RPS6KA5: variants seen among roughly 807,000 people sequenced by gnomAD.
The protein encoded by RPS6KA5 is ribosomal protein S6 kinase A5, also known as ribosomal protein S6 kinase alpha-5.
A neutral mutation model predicts 85.5 loss-of-function variants in RPS6KA5; 27 were observed. The observed-to-expected ratio is 0.32, with a 90% CI of 0.23 to 0.44. The LOEUF (loss-of-function observed/expected upper bound fraction) is 0.44. Among genes scored for constraint, RPS6KA5 ranks in the 20% least tolerant of loss-of-function variants. RPS6KA5 has a pLI of 1.00. For missense variants in RPS6KA5, 811 were observed against 980.9 expected (o/e 0.83, Z 2.31); for synonymous variants, 334 against 348.2 (o/e 0.96, Z 0.46).
Position 90,859,184 on chromosome 14 carries a change from A to G in RPS6KA5, c.*12890T>C, listed in dbSNP as rs376912942. ...CAAAACTGAAATGTACAAGCCCAACAAAGTCTAAAACCAACCTTCAATAGG... is the reference window on the plus strand; with the variant it reads ...CAAAACTGAAATGTACAAGCCCAACGAAGTCTAAAACCAACCTTCAATAGG... On this transcript the variant is annotated 3_prime_UTR_variant, in exon 17 of 17. Coordinates refer to ENST00000614987, the MANE Select transcript of RPS6KA5 (RefSeq NM_004755.4). The G allele has an allele frequency of 6.6e-6, 1 of 152,244 alleles. No individual in the cohort carries two copies. Among genetic ancestry groups the G allele is most frequent in the Admixed American group, 6.5e-5 (1 of 15,286 alleles). 9.4% of individuals were successfully genotyped at this position (152,244 alleles called of 1,614,324 possible).
chr14:91,000,284 A>G (rs907092327), intron 2 of RPS6KA5, among the ~76,000 whole-genome samples: 7 of 152,264 alleles, frequency 4.6e-5, no homozygotes, highest in Non-Finnish European at 7.4e-5. Flanking sequence ...GATCATTTTA[A>G]TCTATTATAT....
chr14:91,053,770 G>A (rs1200679430), intron 1 of RPS6KA5, among the ~76,000 whole-genome samples: 1 of 152,164 alleles, frequency 6.6e-6, no homozygotes, highest in Non-Finnish European at 1.5e-5. Flanking sequence ...TGGCAACACT[G>A]CCAAAGTTTA....
intron 3 of RPS6KA5, among the ~76,000 whole-genome samples, chr14:90,965,669 G>A (rs1424537942): frequency 6.6e-6 from 1 of 152,102 alleles, no homozygotes; most frequent in Non-Finnish European, 1.5e-5. Flanking sequence ...GCCAGACCCA[G>A]GTGACACATT....
chr14:90,929,332 C>T (rs886413144), intron 5 of RPS6KA5, among the ~76,000 whole-genome samples: 1 of 152,080 alleles, frequency 6.6e-6, no homozygotes, highest in Non-Finnish European at 1.5e-5. Context: ...GCCATTATTA[C>T]TTACAAATAA....
chr14:91,040,045 G>A (rs1056200032), intron 1 of RPS6KA5, among the ~76,000 whole-genome samples: 1 of 152,218 alleles, frequency 6.6e-6, no homozygotes, highest in South Asian at 2.1e-4. Context: ...GGGAGAATGT[G>A]AGAGAGAGGA....
At chr14:91,019,504 T>A (rs1443911214) in intron 1 of RPS6KA5, among the ~76,000 whole-genome samples, 1 of 152,148 alleles carries the variant, frequency 6.6e-6, no homozygotes, top group Non-Finnish European at 1.5e-5. Context: ...CTTTCCTGGG[T>A]CTCCACCCTG....
chr14:91,049,394 C>T (rs1477117919), intron 1 of RPS6KA5, among the ~76,000 whole-genome samples: 3 of 152,076 alleles, frequency 2.0e-5, no homozygotes, highest in Non-Finnish European at 4.4e-5. Context: ...GTGGGTGGAT[C>T]ACAAGGTCAG....
chr14:90,975,975 T>A (rs1240350879), intron 3 of RPS6KA5, among the ~76,000 whole-genome samples: 1 of 152,096 alleles, frequency 6.6e-6, no homozygotes, highest in Non-Finnish European at 1.5e-5. Flanking sequence ...CATAAAAAAA[T>A]GGGTTTTCTT....
intron 1 of RPS6KA5, among the ~76,000 whole-genome samples, chr14:91,046,286 T>C (rs933259313): frequency 6.6e-6 from 1 of 152,166 alleles, no homozygotes; most frequent in African/African-American, 2.4e-5. Context: ...TATGGGTGAA[T>C]AAAACTGGCT....
intron 5 of RPS6KA5, among the ~76,000 whole-genome samples, chr14:90,941,459 T>C (rs1042198836): frequency 9.9e-5 from 15 of 152,198 alleles, no homozygotes; most frequent in Admixed American, 7.2e-4. Context: ...CACAGTTCTG[T>C]GTGTCCATTT....
rs1034605141 is a variant in RPS6KA5 at position 90,869,588 on chromosome 14, G to T, written c.*2486C>A. 1.3e-5 allele frequency: 2 copies of T among 152,158 alleles called. No individual in the cohort carries two copies. The highest frequency in any genetic ancestry group is 4.8e-5 in the African/African-American group (2 of 41,432). The allele number at this position is 152,158 out of a possible 1,614,324, so 9.4% of individuals were successfully genotyped here. On this transcript the variant is annotated 3_prime_UTR_variant, in exon 17 of 17. Coordinates refer to ENST00000614987, the MANE Select transcript of RPS6KA5 (RefSeq NM_004755.4). Reference sequence around the variant, plus strand: ...AGTTAATGTCATAAGGAGAAATAATGTAAGTATTTGTATTTCTTAGATCTT... The same window carrying T: ...AGTTAATGTCATAAGGAGAAATAATTTAAGTATTTGTATTTCTTAGATCTT...
At position 90,978,239 on chromosome 14, in the gene RPS6KA5, G is replaced by A. The variant is rs916670455; in HGVS notation, c.394+67C>T. Reference sequence around the variant, plus strand: ...AAGTCCATAGTATCTTGCCCTTTAAGTACATTATAACTTAAGACCCAAAGA... The same window carrying A: ...AAGTCCATAGTATCTTGCCCTTTAAATACATTATAACTTAAGACCCAAAGA... On this transcript the variant is annotated intron_variant, in intron 3 of 16. Coordinates refer to ENST00000614987, the MANE Select transcript of RPS6KA5 (RefSeq NM_004755.4). 5.0e-6 allele frequency: 6 copies of A among 1,200,834 alleles called. No homozygotes were observed. The African/African-American group carries it at 9.2e-5, about 19-fold the overall frequency. The allele number at this position is 1,200,834 out of a possible 1,614,324, so 74.4% of individuals were successfully genotyped here.
At chr14:91,028,571 T>C (rs1042800775) in intron 1 of RPS6KA5, among the ~76,000 whole-genome samples, 2 of 149,128 alleles carry the variant, frequency 1.3e-5, no homozygotes, top group Admixed American at 6.8e-5. Context: ...CAGGCTGGAG[T>C]GCAGAGGTGT....
At chr14:90,943,306 C>T in intron 4 of RPS6KA5, 121 bp from the exon 5 acceptor site, 3 of 600,196 alleles carry the variant, frequency 5.0e-6, no homozygotes, top group Admixed American at 3.1e-5. Flanking sequence ...CCTCAGGATC[C>T]TGTAATGGCT....
chr14:90,881,813 G>A (rs2033862511), intron 14 of RPS6KA5, among the ~76,000 whole-genome samples: 2 of 152,026 alleles, frequency 1.3e-5, no homozygotes. Flanking sequence ...GATCTCTTTT[G>A]GTTACTATTT....
rs2032920109 is a variant in RPS6KA5 at position 90,868,770 on chromosome 14, C to G, written c.*3304G>C. ...TTTTATAAAGTAGTGTATTTGAGAA[C>G]ATAAACTGAGATACAAAAGGAATTT... On this transcript the variant is annotated 3_prime_UTR_variant, in exon 17 of 17. Transcript: ENST00000614987. 6.6e-6 allele frequency: 1 copy of G among 152,114 alleles called. No homozygotes were observed. Among genetic ancestry groups the G allele is most frequent in the African/African-American group, 2.4e-5 (1 of 41,406 alleles). The allele number at this position is 152,114 out of a possible 1,614,324, so 9.4% of individuals were successfully genotyped here.
At chr14:90,889,085 G>C (rs1473767156) in intron 14 of RPS6KA5, among the ~76,000 whole-genome samples, 1 of 152,138 alleles carries the variant, frequency 6.6e-6, no homozygotes, top group Non-Finnish European at 1.5e-5. Context: ...CCCGAGGTCA[G>C]GAGTTTGAGA....
At chr14:90,973,967 G>C (rs2039440853) in intron 3 of RPS6KA5, among the ~76,000 whole-genome samples, 1 of 149,160 alleles carries the variant, frequency 6.7e-6, no homozygotes, top group African/African-American at 2.5e-5. Flanking sequence ...GAACCCAGGA[G>C]GTGGAGGCTG....
intron 7 of RPS6KA5, among the ~76,000 whole-genome samples, chr14:90,917,209 T>C (rs1201945806): frequency 6.6e-6 from 1 of 152,172 alleles, no homozygotes. Context: ...ATATTTATAA[T>C]TTTTCATAAG....
Sources: gnomAD v4.1 joint callset for allele counts (sites outside exome capture counted in the v4.1 genomes callset) on GRCh38, gnomAD v4.1.1 for gene constraint, MANE v1.5 for transcripts, NCBI Gene and HGNC (gene_info 2026-07-23, HGNC 2026-07-21) for gene names.